The following DOCK7 variants were observed in gnomAD, a reference collection of about 807,000 sequenced individuals.
The protein encoded by DOCK7 is dedicator of cytokinesis protein 7.
DOCK7 carries 138 observed loss-of-function variants against 271.0 expected under a neutral mutation model. The ratio of observed to expected loss-of-function variants is 0.51; its 90% CI spans 0.44 to 0.59. The LOEUF is 0.59. Among genes scored for constraint, DOCK7 ranks in the 20% least tolerant of loss-of-function variants. The pLI, the probability that DOCK7 is intolerant of heterozygous loss-of-function variation, is 0.00. For synonymous variants in DOCK7, 823 were observed against 876.1 expected, an observed-to-expected ratio of 0.94 and a Z score of 1.07; for missense variants, 2,066 against 2,592.4, an observed-to-expected ratio of 0.80 and a Z score of 4.41.
intron 49 of DOCK7, 51 bp from the exon 50 acceptor site, chr1:62,455,507 T>C: frequency 6.5e-7 from 1 of 1,545,736 alleles, no homozygotes; most frequent in Non-Finnish European, 8.9e-7. Context: ...AATTTTTGCA[T>C]ATACCTTTAA....
At chr1:62,678,694 T>C (rs1396192445) in intron 1 of DOCK7, among the ~76,000 whole-genome samples, 1 of 152,068 alleles carries the variant, frequency 6.6e-6, no homozygotes, top group East Asian at 1.9e-4. Context: ...CTAAGAGCAG[T>C]CAAGATTTTT....
chr1:62,514,046 T>C, intron 31 of DOCK7, 148 bp from the exon 32 acceptor site: 2 of 666,886 alleles, frequency 3.0e-6, no homozygotes, highest in Non-Finnish European at 4.9e-6. Context: ...ACAACACTTG[T>C]ACAAAAGGAT....
intron 23 of DOCK7, 64 bp from the exon 24 acceptor site, chr1:62,543,809 C>T (rs1256768493): frequency 1.7e-6 from 2 of 1,173,710 alleles, no homozygotes; most frequent in Admixed American, 3.6e-5. Context: ...GACTTTGCAG[C>T]TGATGGATTA....
chr1:62,607,782 T>C lies in DOCK7; in HGVS notation c.1682+10924A>G, dbSNP rs1487650809. 2.0e-5 allele frequency: 3 copies of C among 152,198 alleles called. No homozygotes were observed. In the East Asian group the frequency reaches 5.8e-4, roughly 29 times the overall value. 9.4% of individuals were successfully genotyped at this position (152,198 alleles called of 1,614,324 possible). On this transcript the variant is annotated intron_variant, in intron 14 of 49. Coordinates refer to ENST00000635253, the MANE Select transcript of DOCK7 (RefSeq NM_001367561.1). ...AAAATTGCATATGAATTGTGTTTTATACTTTATAAATCTATCTTCATGCCT... is the reference window on the plus strand; with the variant it reads ...AAAATTGCATATGAATTGTGTTTTACACTTTATAAATCTATCTTCATGCCT...
At chr1:62,474,136 TCA>T in intron 47 of DOCK7, 48 bp from the exon 48 acceptor site, 2 of 1,483,654 alleles carry the variant, frequency 1.3e-6, no homozygotes, top group Non-Finnish European at 1.9e-6. Context: ...ATCTCTAAAA[TCA>T]CAGAGACAGA....
At chr1:62,495,424 T>G (rs1181312397) in intron 39 of DOCK7, 157 bp downstream of exon 39, 1 of 489,518 alleles carries the variant, frequency 2.0e-6, no homozygotes, top group African/African-American at 2.0e-5. Flanking sequence ...AAACCCCATC[T>G]CTACAAAAAA....
chr1:62,460,226 TA>T (rs1309872618), intron 48 of DOCK7, among the ~76,000 whole-genome samples: 3 of 151,528 alleles, frequency 2.0e-5, no homozygotes, highest in Non-Finnish European at 4.4e-5. Flanking sequence ...AGAAAAAAAT[TA>T]TAATCCAAGC....
chr1:62,682,841 C>G (rs962988347), intron 1 of DOCK7, among the ~76,000 whole-genome samples: 1 of 152,034 alleles, frequency 6.6e-6, no homozygotes, highest in Admixed American at 6.6e-5. Flanking sequence ...GAAAGGTCCA[C>G]AAAAAGGGAG....
chr1:62,604,039 G>C (rs755977300), intron 14 of DOCK7: 1 of 1,613,092 alleles, frequency 6.2e-7, no homozygotes, highest in South Asian at 1.1e-5. Context: ...TACGAATTGA[G>C]TTGGAAGACT....
intron 8 of DOCK7, 45 bp from the exon 9 acceptor site, chr1:62,634,967 C>T (rs1223795947): frequency 2.2e-6 from 3 of 1,382,526 alleles, no homozygotes; most frequent in Non-Finnish European, 3.0e-6. Flanking sequence ...GTACATTTTA[C>T]AGTGTCTATT....
chr1:62,513,463 G>T lies in DOCK7; in HGVS notation c.4263C>A (p.Tyr1421Ter). 1 of 1,608,124 alleles carries T rather than the reference G, an allele frequency of 6.2e-7. No homozygotes were observed. Among genetic ancestry groups the T allele is most frequent in the South Asian group, 1.1e-5 (1 of 89,580 alleles). The change falls in exon 33 of 50, where the codon TAC becomes TAA. Residue 1421 changes from tyrosine (Y) to a stop codon, truncating the protein, a stop_gained. Coordinates refer to ENST00000635253, the MANE Select transcript of DOCK7 (RefSeq NM_001367561.1). LOFTEE classifies it high-confidence loss of function. Reference protein sequence around the residue: ...VRRSRGQLGTYTIASPPERSP... With the variant: ...VRRSRGQLGT ...TCTCACCAGGAGGAGAAGCTATTGTGTACGTACCGAGCTGTCCTCGGCTTC... is the reference window on the plus strand; with the variant it reads ...TCTCACCAGGAGGAGAAGCTATTGTTTACGTACCGAGCTGTCCTCGGCTTC...
chr1:62,489,473 T>C lies in DOCK7; in HGVS notation c.5362-408A>G, dbSNP rs371430807. Among the ~76,000 whole-genome samples the C allele has an allele frequency of 4.5e-4, 69 of 152,252 alleles. 1 individual carries two copies. The East Asian group carries it at 0.011, about 23-fold the overall frequency. On this transcript the variant is annotated intron_variant, in intron 41 of 49. Transcript: ENST00000635253. The stretch of plus-strand genomic sequence containing the variant: ...TGGGGAAAAATAATAATAGTAATAA[T>C]ACCACTGAAATTTTTCCAATAGAAA...
At position 62,543,718 on chromosome 1, in the gene DOCK7, A is replaced by G; in HGVS notation, c.2887T>C (p.Ser963Pro). 4 of 1,598,976 alleles carry G rather than the reference A, an allele frequency of 2.5e-6. No homozygotes were observed. Among genetic ancestry groups the G allele is most frequent in the Non-Finnish European group, 3.4e-6 (4 of 1,169,076 alleles). ...AAACTTGACGTCTCTGTGTGCGAAG[A>G]CATACGATTACAACTTCGATCCATA... ...QAMDRSCNRM[S>P]SHTETSSFLQ... is the part of the protein sequence containing the mutation. Residue 963 changes from serine (S) to proline (P), a missense_variant, in exon 24 of 50, where the codon TCT (serine) becomes CCT (proline). By Grantham distance (74) the Ser-to-Pro change is moderately conservative. Coordinates refer to ENST00000635253, the MANE Select transcript of DOCK7 (RefSeq NM_001367561.1).
At chr1:62,490,113 T>A (rs1374987313) in intron 41 of DOCK7, among the ~76,000 whole-genome samples, 1 of 151,332 alleles carries the variant, frequency 6.6e-6, no homozygotes, top group Non-Finnish European at 1.5e-5. Flanking sequence ...TTCTATTGTT[T>A]AGGTTGGAGT....
Position 62,681,049 on chromosome 1 carries a change from G to A in DOCK7, c.38+7178C>T, listed in dbSNP as rs532094334. Among the ~76,000 whole-genome samples the A allele has an allele frequency of 2.6e-5, 4 of 152,256 alleles. No homozygotes were observed. In the South Asian group the frequency reaches 8.3e-4, roughly 32 times the overall value. On this transcript the variant is annotated intron_variant, in intron 1 of 49. Transcript: ENST00000635253. ...CCCATTACTGGGTATATACCCAAAG[G>A]ATTATAAATCATTCTGCTATAAAGA...
intron 7 of DOCK7, among the ~76,000 whole-genome samples, chr1:62,637,854 C>T (rs1299263863): frequency 1.3e-5 from 2 of 152,220 alleles, no homozygotes; most frequent in African/African-American, 4.8e-5. Context: ...TTCACAGGAA[C>T]TGGCCTTGGA....
At chr1:62,469,741 A>G (rs1378065048) in intron 48 of DOCK7, among the ~76,000 whole-genome samples, 2 of 152,196 alleles carry the variant, frequency 1.3e-5, no homozygotes, top group East Asian at 1.9e-4. Flanking sequence ...AATTTCGTCA[A>G]AAAGTGGGCT....
intron 39 of DOCK7, 139 bp from the exon 40 acceptor site, chr1:62,494,606 G>A: frequency 1.7e-6 from 1 of 590,592 alleles, no homozygotes; most frequent in Non-Finnish European, 2.6e-6. Context: ...GTATGAAAAT[G>A]TCGCTATGCA....
At chr1:62,476,230 C>G in intron 44 of DOCK7, 74 bp from the exon 45 acceptor site, 3 of 1,134,650 alleles carry the variant, frequency 2.6e-6, no homozygotes, top group Non-Finnish European at 3.8e-6. Context: ...GAGGGTGACT[C>G]CTGAGCAAAA....
Sources: gnomAD v4.1 joint callset for allele counts (sites outside exome capture counted in the v4.1 genomes callset) on GRCh38, gnomAD v4.1.1 for gene constraint, MANE v1.5 for transcripts, NCBI Gene and HGNC (gene_info 2026-07-23, HGNC 2026-07-21) for gene names.